Variants in ADAMTS16 observed in about 807,000 individuals in gnomAD.
The protein encoded by ADAMTS16 is ADAM metallopeptidase with thrombospondin type 1 motif 16, also known as A disintegrin and metalloproteinase with thrombospondin motifs 16.
Under a neutral mutation model 145.8 loss-of-function variants are expected in ADAMTS16, and 94 were observed. The observed-to-expected ratio is 0.64, with a 90% CI of 0.55 to 0.77. The LOEUF (loss-of-function observed/expected upper bound fraction) is 0.77, where lower values mean the gene tolerates loss of function less well. ADAMTS16 is among the 30% of genes least tolerant of loss of function. ADAMTS16 has a pLI of 0.00. For missense variants in ADAMTS16, 1,585 were observed against 1,591.5 expected (o/e 1.00, Z 0.07); for synonymous variants, 659 against 604.3 (o/e 1.09, Z -1.33).
chr5:5,182,169 A>G lies in ADAMTS16; in HGVS notation c.627A>G (p.Thr209=). ...CCCACGTACTGTACAAGAGATCCAC[A>G]GAGCCCCATGCTCCTGGGGCCAGTG... ...SPSHVLYKRS[T]EPHAPGASEV... Residue 209 remains threonine (T), a synonymous_variant, in exon 4 of 23, where the codon ACA becomes ACG. Coordinates refer to ENST00000274181, the MANE Select transcript of ADAMTS16 (RefSeq NM_139056.4). 1 of 1,614,190 alleles carries G rather than the reference A, an allele frequency of 6.2e-7. No homozygotes were observed. The highest frequency in any genetic ancestry group is 8.5e-7 in the Non-Finnish European group (1 of 1,180,046).
intron 17 of ADAMTS16, among the ~76,000 whole-genome samples, chr5:5,252,381 T>C (rs1338108044): frequency 6.6e-6 from 1 of 152,104 alleles, no homozygotes; most frequent in African/African-American, 2.4e-5. Context: ...AGGAAAACAA[T>C]AATTCCACTG....
At chr5:5,256,240 G>A (rs1254822056) in intron 17 of ADAMTS16, among the ~76,000 whole-genome samples, 1 of 152,192 alleles carries the variant, frequency 6.6e-6, no homozygotes, top group African/African-American at 2.4e-5. Context: ...TTGGGAGAGC[G>A]ATGCTACTGA....
intron 8 of ADAMTS16, among the ~76,000 whole-genome samples, chr5:5,194,264 GT>G (rs1735739954): frequency 6.6e-6 from 1 of 152,174 alleles, no homozygotes; most frequent in Admixed American, 6.5e-5. Context: ...TGCTGACCAT[GT>G]TGAGAAAATA....
chr5:5,272,217 T>C (rs925008174), intron 18 of ADAMTS16, among the ~76,000 whole-genome samples: 3 of 152,054 alleles, frequency 2.0e-5, no homozygotes, highest in Non-Finnish European at 4.4e-5. Flanking sequence ...TCGGTTCATT[T>C]AATTATCTAA....
At chr5:5,150,201 G>T (rs895726964) in intron 3 of ADAMTS16, among the ~76,000 whole-genome samples, 2 of 152,140 alleles carry the variant, frequency 1.3e-5, no homozygotes, top group African/African-American at 4.8e-5. Flanking sequence ...TCTTGTTATT[G>T]TTCTCTCTTT....
intron 10 of ADAMTS16, among the ~76,000 whole-genome samples, chr5:5,216,618 T>TTA (rs397723393): frequency 1.3e-5 from 2 of 151,446 alleles, no homozygotes; most frequent in Admixed American, 6.6e-5. Flanking sequence ...TATTTTTTTT[T>TTA]ATTATACTTT....
In ADAMTS16 at chr5:5,303,419, T is replaced by C; in HGVS notation, c.2941T>C (p.Cys981Arg). ...GCCTGCTCCCTCCAGCAGGCAGGCCTGCAACTCTCAGAGCTGCCCACCTGC... is the reference window on the plus strand; with the variant it reads ...GCCTGCTCCCTCCAGCAGGCAGGCCCGCAACTCTCAGAGCTGCCCACCTGC... Reference protein sequence around the residue: ...PQPAPSSRQACNSQSCPPAWS... With the variant: ...PQPAPSSRQARNSQSCPPAWS... Residue 981 changes from cysteine to arginine, a missense_variant, in exon 19 of 23, where the codon TGC becomes CGC. By Grantham distance (180) the Cys-to-Arg change is radical. Coordinates refer to ENST00000274181, the MANE Select transcript of ADAMTS16 (RefSeq NM_139056.4). 6.2e-7 allele frequency: 1 copy of C among 1,609,672 alleles called. No individual in the cohort carries two copies. The highest frequency in any genetic ancestry group is 2.2e-5 in the East Asian group (1 of 44,776).
intron 11 of ADAMTS16, among the ~76,000 whole-genome samples, chr5:5,231,911 A>G (rs1254094605): frequency 2.0e-5 from 3 of 152,106 alleles, no homozygotes; most frequent in African/African-American, 7.2e-5. Flanking sequence ...AGCACAGACT[A>G]TGGGCCTGAA....
At chr5:5,191,567 T>A in intron 7 of ADAMTS16, 118 bp from the exon 8 acceptor site, 1 of 819,446 alleles carries the variant, frequency 1.2e-6, no homozygotes, top group Non-Finnish European at 2.0e-6. Context: ...GTTTCCCATT[T>A]CATATTTTCC....
chr5:5,250,249 T>A (rs900402712), intron 17 of ADAMTS16, among the ~76,000 whole-genome samples: 1 of 152,162 alleles, frequency 6.6e-6, no homozygotes, highest in African/African-American at 2.4e-5. Context: ...CTCCTGTTCA[T>A]ATCAAATAGA....
intron 3 of ADAMTS16, among the ~76,000 whole-genome samples, chr5:5,160,474 C>T (rs1203427064): frequency 6.6e-6 from 1 of 152,090 alleles, no homozygotes; most frequent in Non-Finnish European, 1.5e-5. Context: ...AAAGTTAGAG[C>T]AATACCTCCT....
At chr5:5,142,002 A>T (rs1734181882) in intron 2 of ADAMTS16, 1 of 152,182 alleles carries the variant, frequency 6.6e-6, no homozygotes, top group Non-Finnish European at 1.5e-5. Context: ...TACAATACTA[A>T]AAGTTAATTC....
At chr5:5,311,547 C>CTTT (rs11315258) in intron 21 of ADAMTS16, among the ~76,000 whole-genome samples, 1 of 125,824 alleles carries the variant, frequency 7.9e-6, no homozygotes, top group Non-Finnish European at 1.7e-5. Context: ...TAGTCTGCTC[C>CTTT]TTTTTTTTTT....
chr5:5,297,858 T>C (rs1739610001), intron 18 of ADAMTS16, among the ~76,000 whole-genome samples: 1 of 152,224 alleles, frequency 6.6e-6, no homozygotes, highest in African/African-American at 2.4e-5. Flanking sequence ...TCTGGCTCAT[T>C]GTAAATCTCT....
In ADAMTS16 at chr5:5,173,688, T is replaced by A. The variant is rs1735110973; in HGVS notation, c.502-8356T>A. Among the ~76,000 whole-genome samples the A allele has an allele frequency of 2.6e-5, 4 of 152,246 alleles. No homozygotes were observed. The South Asian group carries it at 8.3e-4, about 32-fold the overall frequency. On this transcript the variant is annotated intron_variant, in intron 3 of 22. Coordinates refer to ENST00000274181, the MANE Select transcript of ADAMTS16 (RefSeq NM_139056.4). ...TGGGGTTTCACCATGTTAGCCAGGATGGTCTCGCTCTCCTGACCTCATGAT... is the reference window on the plus strand; with the variant it reads ...TGGGGTTTCACCATGTTAGCCAGGAAGGTCTCGCTCTCCTGACCTCATGAT...
At chr5:5,195,529 A>G (rs1276166748) in intron 8 of ADAMTS16, among the ~76,000 whole-genome samples, 2 of 152,232 alleles carry the variant, frequency 1.3e-5, no homozygotes, top group African/African-American at 2.4e-5. Context: ...CTGCAAAAAC[A>G]ATAGAGCACT....
intron 16 of ADAMTS16, 58 bp from the exon 17 acceptor site, chr5:5,241,995 A>G: frequency 6.3e-7 from 1 of 1,593,222 alleles, no homozygotes; most frequent in Non-Finnish European, 8.6e-7. Context: ...TCCCGTTAGC[A>G]TGTACTTGCT....
At chr5:5,259,257 C>T (rs1737909301) in intron 17 of ADAMTS16, among the ~76,000 whole-genome samples, 1 of 152,224 alleles carries the variant, frequency 6.6e-6, no homozygotes, top group Admixed American at 6.5e-5. Flanking sequence ...ACCTGAGCTG[C>T]AACTGAGCCT....
intron 18 of ADAMTS16, among the ~76,000 whole-genome samples, chr5:5,299,346 T>C (rs1471121991): frequency 6.6e-6 from 1 of 152,194 alleles, no homozygotes; most frequent in Non-Finnish European, 1.5e-5. Flanking sequence ...GGCTTGGCCC[T>C]AGGCAGCAGC....
Sources: allele counts gnomAD v4.1 joint callset (sites outside exome capture counted in the v4.1 genomes callset), GRCh38; gene constraint gnomAD v4.1.1; transcripts MANE v1.5; gene names NCBI Gene and HGNC (gene_info 2026-07-23, HGNC 2026-07-21).